RPN1: variants seen among roughly 807,000 people sequenced by gnomAD.
The protein encoded by RPN1 is dolichyl-diphosphooligosaccharide--protein glycosyltransferase subunit 1.
Under a neutral mutation model 55.5 loss-of-function variants are expected in RPN1, and 12 were observed. That is an observed-to-expected ratio of 0.22 (90% CI 0.14 to 0.35). RPN1 has a LOEUF of 0.35. Among genes scored for constraint, RPN1 ranks in the 10% least tolerant of loss-of-function variants. RPN1 has a pLI of 1.00. For synonymous variants in RPN1, 317 were observed against 305.9 expected, an observed-to-expected ratio of 1.04 and a Z score of -0.38; for missense variants, 679 against 761.3, an observed-to-expected ratio of 0.89 and a Z score of 1.27.
chr3:128,647,371 A>T (rs1329623643), intron 1 of RPN1, among the ~76,000 whole-genome samples: 1 of 152,138 alleles, frequency 6.6e-6, no homozygotes, highest in Non-Finnish European at 1.5e-5. Flanking sequence ...AACAAGTTTC[A>T]TTACTTTGAC....
intron 2 of RPN1, chr3:128,644,607 T>TCAACATGG (rs2069752658): frequency 1.9e-6 from 1 of 523,142 alleles, no homozygotes; most frequent in African/African-American, 1.9e-5. Context: ...TTGCAGTGAG[T>TCAACATGG]CAACATGGCA....
Position 128,620,613 on chromosome 3 carries a change from G to A in RPN1, c.1642-20C>T. 1 of 1,608,186 alleles carries A rather than the reference G, an allele frequency of 6.2e-7. No homozygotes were observed. Among genetic ancestry groups the A allele is most frequent in the Non-Finnish European group, 8.5e-7 (1 of 1,176,482 alleles). On this transcript the variant is annotated intron_variant, in intron 9 of 9. Transcript: ENST00000296255. Reference sequence around the variant, plus strand: ...GCTCACCTGGCCGAGGCAAGAGCAGGGCAGGACTTGTGAGCTGTCCTCCCA... The same window carrying A: ...GCTCACCTGGCCGAGGCAAGAGCAGAGCAGGACTTGTGAGCTGTCCTCCCA...
At position 128,644,825 on chromosome 3, in the gene RPN1, C is replaced by A. The variant is rs2069754786; in HGVS notation, c.326+94G>T. 4 of 763,430 alleles carry A rather than the reference C, an allele frequency of 5.2e-6. No individual in the cohort carries two copies. The South Asian group carries it at 6.1e-5, about 12-fold the overall frequency. 47.3% of individuals were successfully genotyped at this position (763,430 alleles called of 1,614,324 possible). A position where few individuals can be genotyped will look rare whatever the true frequency, so the allele number is the denominator to read the frequency against. ...AAAAAACCCTGTAATAAAGCAGGCA[C>A]TTCCTAAGCAACTCTCCTAGTTTAT... On this transcript the variant is annotated intron_variant, in intron 2 of 9. Transcript: ENST00000296255.
intron 2 of RPN1, chr3:128,644,391 C>T (rs577501371): frequency 7.2e-4 from 187 of 260,766 alleles, no homozygotes; most frequent in Non-Finnish European, 1.2e-3. Flanking sequence ...GGACTCACGC[C>T]TATAATCCTA....
rs2069647285 is a variant in RPN1, at chr3:128,632,161, G to A, written c.634-4C>T. 1 of 1,613,896 alleles carries A rather than the reference G, an allele frequency of 6.2e-7. No individual in the cohort carries two copies. The highest frequency in any genetic ancestry group is 1.7e-5 in the Admixed American group (1 of 59,984). Reference sequence around the variant, plus strand: ...CATAATGTACTTTAAAAGTATCCTGGAAGGAAGGAAACAAATAGTTCAAAG... The same window carrying A: ...CATAATGTACTTTAAAAGTATCCTGAAAGGAAGGAAACAAATAGTTCAAAG... On this transcript the variant is annotated splice_polypyrimidine_tract_variant and splice_region_variant and intron_variant, in intron 3 of 9. Coordinates refer to ENST00000296255, the MANE Select transcript of RPN1 (RefSeq NM_002950.4).
rs2069694041 is a variant in RPN1 at position 128,638,033 on chromosome 3, T to C, written c.399A>G (p.Thr133=). 3 of 1,613,968 alleles carry C rather than the reference T, an allele frequency of 1.9e-6. No homozygotes were observed. Among genetic ancestry groups the C allele is most frequent in the Non-Finnish European group, 2.5e-6 (3 of 1,179,846 alleles). ...PGAKISVIVE[T]VYTHVLHPYP... ...ACGGATGAAGCACATGGGTGTAGACTGTTTCCACAATGACTGAAATCTTGG... is the reference window on the plus strand; with the variant it reads ...ACGGATGAAGCACATGGGTGTAGACCGTTTCCACAATGACTGAAATCTTGG... Residue 133 remains threonine, a synonymous_variant, in exon 3 of 10, where the codon ACA becomes ACG. Transcript: ENST00000296255.
At chr3:128,644,434 A>C (rs1377875331) in intron 2 of RPN1, 4 of 298,960 alleles carry the variant, frequency 1.3e-5, no homozygotes, top group Non-Finnish European at 2.6e-5. Flanking sequence ...GCTTGAGGAC[A>C]GGAGTTCAAG....
chr3:128,638,786 C>A (rs2069702720), intron 2 of RPN1, among the ~76,000 whole-genome samples: 1 of 151,922 alleles, frequency 6.6e-6, no homozygotes, highest in African/African-American at 2.4e-5. Flanking sequence ...GCCAACATGG[C>A]AAAACCCTGT....
intron 5 of RPN1, among the ~76,000 whole-genome samples, chr3:128,627,754 G>A (rs1325808851): frequency 1.4e-4 from 2 of 14,188 alleles, no homozygotes; most frequent in Non-Finnish European, 2.9e-4. Flanking sequence ...CTGGGAAACA[G>A]TGCAAGACTC....
At chr3:128,630,975 T>C (rs1357392183) in intron 4 of RPN1, among the ~76,000 whole-genome samples, 1 of 151,540 alleles carries the variant, frequency 6.6e-6, no homozygotes, top group Non-Finnish European at 1.5e-5. Flanking sequence ...TAGCTGGGCA[T>C]GGTGGCGGGC....
intron 5 of RPN1, among the ~76,000 whole-genome samples, chr3:128,627,815 T>C (rs2069610829): frequency 6.8e-6 from 1 of 146,002 alleles, no homozygotes; most frequent in Non-Finnish European, 1.5e-5. Flanking sequence ...AAAAATGGGA[T>C]GAAAACAAGA....
chr3:128,648,010 G>A (rs1227464525), intron 1 of RPN1, among the ~76,000 whole-genome samples: 1 of 152,148 alleles, frequency 6.6e-6, no homozygotes, highest in Non-Finnish European at 1.5e-5. Flanking sequence ...TGCAATCCCA[G>A]CACTTTGGGA....
At chr3:128,624,213 G>A (rs997269736) in intron 8 of RPN1, among the ~76,000 whole-genome samples, 3 of 152,114 alleles carry the variant, frequency 2.0e-5, no homozygotes, top group Admixed American at 6.6e-5. Context: ...GACCAGGCAC[G>A]GTGTCTCATG....
chr3:128,622,893 T>A (rs1440582320), intron 8 of RPN1, among the ~76,000 whole-genome samples: 1 of 136,432 alleles, frequency 7.3e-6, no homozygotes. Context: ...CGAAACTCCA[T>A]CTCAAAAAAA....
rs367651108 is a variant in RPN1, at chr3:128,620,015, T to TAAAAA, written c.*391_*395dup. 4 of 178,762 alleles carry TAAAAA rather than the reference T, an allele frequency of 2.2e-5. No homozygotes were observed. Among genetic ancestry groups the TAAAAA allele is most frequent in the South Asian group, 2.2e-4 (1 of 4,542 alleles). 11.1% of individuals were successfully genotyped at this position (178,762 alleles called of 1,614,324 possible). A position where few individuals can be genotyped will look rare whatever the true frequency, so the allele number is the denominator to read the frequency against. ...TATTTCCATTTGTTCACACACGCTT[T>TAAAAA]AAAAAAAAAAAAAAAAACACATGCA... On this transcript the variant is annotated 3_prime_UTR_variant, in exon 10 of 10. Transcript: ENST00000296255.
intron 6 of RPN1, among the ~76,000 whole-genome samples, chr3:128,626,365 C>T (rs181633614): frequency 9.2e-5 from 14 of 152,340 alleles, no homozygotes; most frequent in Admixed American, 5.2e-4. Flanking sequence ...AGATGCCTCA[C>T]GAGCTGTTCT....
intron 1 of RPN1, among the ~76,000 whole-genome samples, chr3:128,648,711 A>G (rs2069788415): frequency 6.6e-6 from 1 of 152,220 alleles, no homozygotes; most frequent in Admixed American, 6.5e-5. Context: ...TAGCACATAT[A>G]TCCATTTAAC....
intron 2 of RPN1, chr3:128,642,668 C>A (rs1201393409): frequency 1.3e-5 from 2 of 151,542 alleles, no homozygotes; most frequent in Non-Finnish European, 2.9e-5. Flanking sequence ...TGCATTCCAG[C>A]CTGGGTGACA....
chr3:128,635,662 T>TATATATATATATATAG (rs1559755887), intron 3 of RPN1, among the ~76,000 whole-genome samples: 1 of 110,186 alleles, frequency 9.1e-6, no homozygotes, highest in African/African-American at 3.2e-5. Context: ...TATATATATA[T>TATATATATATATATAG]ATAGATATCT....
Sources: allele counts gnomAD v4.1 joint callset (sites outside exome capture counted in the v4.1 genomes callset), GRCh38; gene constraint gnomAD v4.1.1; transcripts MANE v1.5; gene names NCBI Gene and HGNC (gene_info 2026-07-23, HGNC 2026-07-21).